DPP6: variants seen among roughly 807,000 people sequenced by gnomAD.
DPP6 encodes A-type potassium channel modulatory protein DPP6.
Under a neutral mutation model 122.6 loss-of-function variants are expected in DPP6, and 69 were observed. The ratio of observed to expected loss-of-function variants is 0.56; its 90% CI spans 0.46 to 0.69. DPP6 has a LOEUF of 0.69. DPP6 is among the 30% of genes least tolerant of loss of function. DPP6 has a pLI of 0.00. For synonymous variants in DPP6, 418 were observed against 433.1 expected, an observed-to-expected ratio of 0.97 and a Z score of 0.43; for missense variants, 928 against 1,116.9, an observed-to-expected ratio of 0.83 and a Z score of 2.41.
chr7:154,268,294 C>A (rs1803566626), intron 1 of DPP6, among the ~76,000 whole-genome samples: 1 of 152,182 alleles, frequency 6.6e-6, no homozygotes, highest in Admixed American at 6.5e-5. Flanking sequence ...CAACAAAATA[C>A]CGTAAACTGG....
Position 154,804,910 on chromosome 7 carries a change from T to C in DPP6, c.1500-7T>C. The C allele has an allele frequency of 6.2e-7, 1 of 1,600,894 alleles. No homozygotes were observed. Among genetic ancestry groups the C allele is most frequent in the Admixed American group, 1.7e-5 (1 of 58,482 alleles). ...ACTAACCCTGTGCACCTTGGTGATC[T>C]TTGCAGCTACTTCCTGAGCACGGAG... On this transcript the variant is annotated splice_polypyrimidine_tract_variant and splice_region_variant and intron_variant, in intron 14 of 25. Coordinates refer to ENST00000377770, the MANE Select transcript of DPP6 (RefSeq NM_130797.4).
In DPP6 at chr7:154,893,976, GT is replaced by G. The variant is rs1414453869; in HGVS notation, c.*1499del. On this transcript the variant is annotated 3_prime_UTR_variant, in exon 26 of 26. Transcript: ENST00000377770. ...AGATGCGTCCCTGTTGCATTTTGGC[GT>G]TTGGGGCTTTGGGTTTATCCACATG... 6.6e-6 allele frequency: 1 copy of G among 152,188 alleles called. No homozygotes were observed. Among genetic ancestry groups the G allele is most frequent in the Non-Finnish European group, 1.5e-5 (1 of 68,042 alleles). The allele number at this position is 152,188 out of a possible 1,614,324, so 9.4% of individuals were successfully genotyped here.
intron 1 of DPP6, among the ~76,000 whole-genome samples, chr7:153,964,822 C>CTTTCCTTTTCCTTTCCT: frequency 2.4e-5 from 1 of 41,216 alleles, no homozygotes; most frequent in South Asian, 8.0e-4. Flanking sequence ...CTTTCCTTTC[C>CTTTCCTTTTCCTTTCCT]TTTCCTTTTC....
At chr7:154,350,907 G>C (rs922304004) in intron 1 of DPP6, among the ~76,000 whole-genome samples, 5 of 152,166 alleles carry the variant, frequency 3.3e-5, no homozygotes, top group African/African-American at 1.2e-4. Flanking sequence ...TGTGGGAAAT[G>C]AAATCATAAG....
At chr7:154,698,814 A>G (rs1444951590) in intron 7 of DPP6, among the ~76,000 whole-genome samples, 1 of 152,222 alleles carries the variant, frequency 6.6e-6, no homozygotes, top group Admixed American at 6.5e-5. Flanking sequence ...GGCGTAGCGG[A>G]GCCCCTGATG....
chr7:154,568,192 G>C (rs1040521893), intron 5 of DPP6, among the ~76,000 whole-genome samples: 1 of 152,150 alleles, frequency 6.6e-6, no homozygotes, highest in Admixed American at 6.5e-5. Context: ...TGATGTTCAC[G>C]GGTCATAGAC....
intron 1 of DPP6, among the ~76,000 whole-genome samples, chr7:154,221,960 A>T (rs1800332642): frequency 6.6e-6 from 1 of 152,172 alleles, no homozygotes; most frequent in African/African-American, 2.4e-5. Flanking sequence ...GTGAGGAAAA[A>T]AAAAATGAAG....
At chr7:154,769,640 G>T in intron 9 of DPP6, 69 bp downstream of exon 9, 1 of 1,435,538 alleles carries the variant, frequency 7.0e-7, no homozygotes, top group Non-Finnish European at 9.2e-7. Flanking sequence ...TGCTCACTCA[G>T]TGTGCAGACG....
At chr7:154,130,167 G>A (rs997380546) in intron 1 of DPP6, among the ~76,000 whole-genome samples, 12 of 152,210 alleles carry the variant, frequency 7.9e-5, no homozygotes, top group Non-Finnish European at 1.3e-4. Flanking sequence ...GGAAGCTTAA[G>A]CTAGAAGACA....
chr7:153,982,395 A>G (rs1178877094), intron 1 of DPP6, among the ~76,000 whole-genome samples: 2 of 151,834 alleles, frequency 1.3e-5, no homozygotes, highest in African/African-American at 2.4e-5. Context: ...CAGCTCCATC[A>G]GGTCATTTAT....
chr7:154,074,593 A>C (rs1803422007), intron 1 of DPP6, among the ~76,000 whole-genome samples: 1 of 152,224 alleles, frequency 6.6e-6, no homozygotes, highest in Non-Finnish European at 1.5e-5. Flanking sequence ...CCATGAAGTA[A>C]CGTTTATAGG....
At chr7:154,747,506 G>A (rs188834611) in intron 8 of DPP6, among the ~76,000 whole-genome samples, 11 of 152,310 alleles carry the variant, frequency 7.2e-5, no homozygotes, top group Admixed American at 7.2e-4. Flanking sequence ...TTCCTCCTCT[G>A]TAAGATGGAA....
chr7:154,237,166 G>A (rs1193392448), intron 1 of DPP6, among the ~76,000 whole-genome samples: 2 of 152,196 alleles, frequency 1.3e-5, no homozygotes, highest in Non-Finnish European at 2.9e-5. Flanking sequence ...CCAGAGGAGG[G>A]GCAGAGTTTA....
chr7:154,779,090 TCTA>T (rs1796833205), intron 10 of DPP6, among the ~76,000 whole-genome samples: 16 of 5,710 alleles, frequency 2.8e-3, no homozygotes, highest in African/African-American at 7.7e-3. Context: ...CTCCACAACC[TCTA>T]CCACCACCAC....
chr7:154,795,911 T>G, intron 12 of DPP6, 28 bp downstream of exon 12: 1 of 1,603,626 alleles, frequency 6.2e-7, no homozygotes, highest in African/African-American at 1.3e-5. Flanking sequence ...GGGTCCCCAC[T>G]GTCACCTCCA....
chr7:153,848,137 C>T, the DPP6 span, among the ~76,000 whole-genome samples: 108 of 152,246 alleles, frequency 7.1e-4, 3 homozygotes, highest in Admixed American at 5.8e-3. Flanking sequence ...AGAGTCACAG[C>T]GGCTGAGGCC....
At chr7:153,816,905 A>G in the DPP6 span, among the ~76,000 whole-genome samples, 1 of 152,150 alleles carries the variant, frequency 6.6e-6, no homozygotes, top group Non-Finnish European at 1.5e-5. Flanking sequence ...AGCTGAGAAC[A>G]TAGCCTCAAT....
chr7:153,835,681 T>C, the DPP6 span, among the ~76,000 whole-genome samples: 4 of 152,200 alleles, frequency 2.6e-5, no homozygotes, highest in African/African-American at 7.2e-5. Flanking sequence ...TAGTTTTTGA[T>C]TGGTGTTAGG....
chr7:153,986,757 G>T (rs1460235587), intron 1 of DPP6, among the ~76,000 whole-genome samples: 1 of 152,030 alleles, frequency 6.6e-6, no homozygotes, highest in Non-Finnish European at 1.5e-5. Context: ...TTAAATTTCA[G>T]CAAGAAATAC....
Sources: gnomAD v4.1 joint callset for allele counts (sites outside exome capture counted in the v4.1 genomes callset) on GRCh38, gnomAD v4.1.1 for gene constraint, MANE v1.5 for transcripts, NCBI Gene and HGNC (gene_info 2026-07-23, HGNC 2026-07-21) for gene names.